WIPF2: variants seen among roughly 807,000 people sequenced by gnomAD.
WIPF2 encodes WAS/WASL interacting protein family member 2.
A neutral mutation model predicts 38.8 loss-of-function variants in WIPF2; 23 were observed. The ratio of observed to expected loss-of-function variants is 0.59; its 90% CI spans 0.43 to 0.84. WIPF2 has a LOEUF of 0.84. WIPF2 is among the 40% of genes least tolerant of loss of function. The pLI is 0.00. For missense variants in WIPF2, 574 were observed against 580.5 expected (o/e 0.99, Z 0.11); for synonymous variants, 210 against 223.2 (o/e 0.94, Z 0.53).
At chr17:40,241,978 A>G (rs1048909338) in intron 1 of WIPF2, among the ~76,000 whole-genome samples, 2 of 152,184 alleles carry the variant, frequency 1.3e-5, no homozygotes, top group African/African-American at 4.8e-5. Flanking sequence ...GTGGTACCCT[A>G]GTTCTCAGTT....
At chr17:40,275,209 C>T (rs1236732616) in intron 6 of WIPF2, among the ~76,000 whole-genome samples, 10 of 147,526 alleles carry the variant, frequency 6.8e-5, no homozygotes, top group Non-Finnish European at 1.2e-4. Flanking sequence ...CCACTGCACT[C>T]CAGCCTGGGT....
At chr17:40,259,853 T>TA (rs1447129625) in intron 2 of WIPF2, among the ~76,000 whole-genome samples, 1 of 152,206 alleles carries the variant, frequency 6.6e-6, no homozygotes, top group African/African-American at 2.4e-5. Context: ...ATATTGTGCT[T>TA]ACCACAGTGC....
chr17:40,238,224 T>TA (rs1223131825), intron 1 of WIPF2, among the ~76,000 whole-genome samples: 1 of 152,198 alleles, frequency 6.6e-6, no homozygotes, highest in Non-Finnish European at 1.5e-5. Flanking sequence ...TCTGTTTTGT[T>TA]ACTTTGATTC....
chr17:40,232,088 C>G (rs1226261251), intron 1 of WIPF2, among the ~76,000 whole-genome samples: 1 of 149,422 alleles, frequency 6.7e-6, no homozygotes, highest in Non-Finnish European at 1.5e-5. Context: ...TGTCTGCTCA[C>G]TGCAACCTCT....
chr17:40,274,931 C>CAAACAAA (rs1555564783), intron 6 of WIPF2, among the ~76,000 whole-genome samples: 35 of 45,574 alleles, frequency 7.7e-4, no homozygotes, highest in African/African-American at 2.7e-3. Flanking sequence ...GAATCTGTCT[C>CAAACAAA]AAAAAAAAAA....
chr17:40,260,940 C>G, intron 3 of WIPF2: 1 of 439,630 alleles, frequency 2.3e-6, no homozygotes, highest in East Asian at 4.9e-5. Flanking sequence ...ATTGCATGAG[C>G]CTAGAAGTTC....
At chr17:40,275,815 C>T (rs981817570) in intron 6 of WIPF2, among the ~76,000 whole-genome samples, 10 of 152,184 alleles carry the variant, frequency 6.6e-5, no homozygotes, top group Admixed American at 5.9e-4. Flanking sequence ...TACCCACCCA[C>T]CTTGGCCTCC....
intron 1 of WIPF2, among the ~76,000 whole-genome samples, chr17:40,253,209 T>C (rs1485038119): frequency 1.3e-5 from 2 of 151,862 alleles, no homozygotes; most frequent in African/African-American, 2.4e-5. Flanking sequence ...ACTACAGGTG[T>C]CTGCCACCAC....
At chr17:40,265,788 A>T (rs1453368202) in intron 5 of WIPF2, among the ~76,000 whole-genome samples, 1 of 152,160 alleles carries the variant, frequency 6.6e-6, no homozygotes, top group Non-Finnish European at 1.5e-5. Flanking sequence ...TTAAACAGAG[A>T]AGTAGTATGA....
intron 1 of WIPF2, among the ~76,000 whole-genome samples, chr17:40,231,797 G>C (rs2145292295): frequency 6.6e-6 from 1 of 151,970 alleles, no homozygotes; most frequent in African/African-American, 2.4e-5. Context: ...AATAATATGA[G>C]ATATGGCTAG....
intron 1 of WIPF2, among the ~76,000 whole-genome samples, chr17:40,224,413 T>A (rs1567707433): frequency 1.4e-5 from 2 of 147,628 alleles, no homozygotes; most frequent in Non-Finnish European, 1.5e-5. Flanking sequence ...TGTATTTTTT[T>A]TTTTTTTTTT....
At chr17:40,264,399 A>G (rs1330683100) in intron 4 of WIPF2, 91 bp from the exon 5 acceptor site, 36 of 997,238 alleles carry the variant, frequency 3.6e-5, no homozygotes, top group Non-Finnish European at 1.9e-5. Flanking sequence ...CCCTGCTGCC[A>G]TGCAGGTTGC....
intron 5 of WIPF2, among the ~76,000 whole-genome samples, chr17:40,272,845 G>C (rs1272011132): frequency 6.6e-6 from 1 of 152,128 alleles, no homozygotes; most frequent in Non-Finnish European, 1.5e-5. Flanking sequence ...CAGTATACTG[G>C]GGAAAGAGCA....
At chr17:40,251,874 A>C (rs1386106041) in intron 1 of WIPF2, among the ~76,000 whole-genome samples, 3 of 152,246 alleles carry the variant, frequency 2.0e-5, no homozygotes, top group Non-Finnish European at 4.4e-5. Flanking sequence ...CTGTGGAGCC[A>C]GAAGAAAGCT....
intron 1 of WIPF2, among the ~76,000 whole-genome samples, chr17:40,238,104 G>T (rs1214826762): frequency 1.3e-5 from 2 of 150,782 alleles, no homozygotes; most frequent in South Asian, 2.1e-4. Flanking sequence ...TGATCCACCC[G>T]CCTTGGCCTC....
At position 40,234,067 on chromosome 17, in the gene WIPF2, AAAT is replaced by A. The variant is rs986905743; in HGVS notation, c.-70+14584_-70+14586del. On this transcript the variant is annotated intron_variant, in intron 1 of 7. Transcript: ENST00000323571. Reference sequence around the variant, plus strand: ...AACAAGAAGAAAACTCCATCTCAAAAAATAATAATAAAAAAAACAGGCCAGGCA... The same window carrying A: ...AACAAGAAGAAAACTCCATCTCAAAAAATAATAAAAAAAACAGGCCAGGCA... 8.3e-4 allele frequency among the ~76,000 whole-genome samples: 125 copies of A among 150,942 alleles called. 1 individual carries two copies. The highest frequency in any genetic ancestry group is 2.0e-3 in the African/African-American group (81 of 41,060).
At chr17:40,228,076 C>T (rs1404125551) in intron 1 of WIPF2, among the ~76,000 whole-genome samples, 4 of 116,684 alleles carry the variant, frequency 3.4e-5, no homozygotes, top group Non-Finnish European at 4.9e-5. Context: ...AGTGCAGTGG[C>T]GGGATCTCGG....
intron 1 of WIPF2, among the ~76,000 whole-genome samples, chr17:40,237,241 CTT>C (rs533124301): frequency 7.0e-5 from 9 of 129,444 alleles, no homozygotes; most frequent in Non-Finnish European, 1.3e-4. Context: ...TCAATTTTTC[CTT>C]TTTTTTTTTT....
chr17:40,256,889 T>C (rs927921294), intron 2 of WIPF2, among the ~76,000 whole-genome samples: 1 of 152,188 alleles, frequency 6.6e-6, no homozygotes, highest in South Asian at 2.1e-4. Flanking sequence ...ACAGGTGGCG[T>C]TGGAGTTGGA....
Sources: gnomAD v4.1 joint callset for allele counts (sites outside exome capture counted in the v4.1 genomes callset) on GRCh38, gnomAD v4.1.1 for gene constraint, MANE v1.5 for transcripts, NCBI Gene and HGNC (gene_info 2026-07-23, HGNC 2026-07-21) for gene names.